Variants in SEMA4G observed in about 807,000 individuals in gnomAD.
SEMA4G encodes semaphorin-4G.
Under a neutral mutation model 81.2 loss-of-function variants are expected in SEMA4G, and 59 were observed. That is an observed-to-expected ratio of 0.73 (90% CI 0.59 to 0.90). The LOEUF (loss-of-function observed/expected upper bound fraction) is 0.90, where lower values mean the gene tolerates loss of function less well. Among genes scored for constraint, SEMA4G ranks in the 40% least tolerant of loss-of-function variants. The pLI is 0.00. For synonymous variants in SEMA4G, 404 were observed against 433.9 expected (o/e 0.93, Z 0.86); for missense variants, 952 against 1,102.3 (o/e 0.86, Z 1.93).
At chr10:100,978,636 C>T in exon 6 of SEMA4G, 1 of 1,613,314 alleles carries the variant, frequency 6.2e-7, no homozygotes, top group Non-Finnish European at 8.5e-7. Context: ...TGCATTGGCT[C>T]AATGGTTAGG....
chr10:100,984,965 A>G, downstream of SEMA4G: 1 of 1,400,242 alleles, frequency 7.1e-7, no homozygotes, highest in South Asian at 1.5e-5. Context: ...ACATGTGCTT[A>G]CATTTCCACT....
At chr10:100,978,687 T>C (rs1850911343) in intron 6 of SEMA4G, 47 bp downstream of exon 7, 2 of 1,588,684 alleles carry the variant, frequency 1.3e-6, no homozygotes, top group Admixed American at 3.3e-5. Context: ...GGACTATTTC[T>C]TCATTTTTAC....
exon 14 of SEMA4G, chr10:100,983,850 G>T: frequency 6.3e-7 from 1 of 1,590,150 alleles, no homozygotes; most frequent in Admixed American, 1.8e-5. Flanking sequence ...TGATGAGGGG[G>T]CTGGGGGCCT....
exon 9 of SEMA4G, chr10:100,979,937 G>T (rs1850980816): frequency 6.2e-7 from 1 of 1,614,150 alleles, no homozygotes. Context: ...TACCAGGATG[G>T]TTCCCGGCGC....
At chr10:100,979,746 C>A in intron 8 of SEMA4G, 102 bp from the exon 10 acceptor site, 1 of 1,360,194 alleles carries the variant, frequency 7.4e-7, no homozygotes, top group Non-Finnish European at 1.0e-6. Flanking sequence ...GGGACTATAG[C>A]TGGGGTTGGC....
chr10:100,978,488 TATGACATGTCTCTC>T (rs1476749328), intron 5 of SEMA4G, 25 bp from the exon 7 acceptor site: 3 of 1,598,634 alleles, frequency 1.9e-6, no homozygotes, highest in Non-Finnish European at 2.6e-6. Flanking sequence ...CCCTGTTGAA[TATGACATGTCTCTC>T]ATGCCTGGAA....
At chr10:100,971,995 G>A (rs1850648016), upstream of SEMA4G, among the ~76,000 whole-genome samples, 1 of 152,188 alleles carries the variant, frequency 6.6e-6, no homozygotes, top group Admixed American at 6.5e-5. Context: ...ACTGGCGTGG[G>A]CAGAGATGTG....
chr10:100,975,053 C>G (rs762921075), intron 3 of SEMA4G: 1 of 534,124 alleles, frequency 1.9e-6, no homozygotes, highest in South Asian at 1.4e-5. Flanking sequence ...GAGCTTCCAT[C>G]AAAGGCTGCC....
Position 100,977,986 on chromosome 10 carries a change from CA to C in SEMA4G, c.435+260del, listed in dbSNP as rs1850875574. The C allele has an allele frequency of 1.2e-5, 7 of 572,042 alleles. No individual in the cohort carries two copies. In the East Asian group the frequency reaches 2.1e-4, roughly 17 times the overall value. 35.4% of individuals were successfully genotyped at this position (572,042 alleles called of 1,614,324 possible). A position where few individuals can be genotyped will look rare whatever the true frequency, so the allele number is the denominator to read the frequency against. On this transcript the variant is annotated intron_variant, in intron 4 of 13. Coordinates refer to ENST00000370250, the Ensembl canonical transcript of SEMA4G. ...TCCACCTGGCAAACTTCATTTAACCCAAAACAAAGGGCCTTGATCCCCTGGA... is the reference window on the plus strand; with the variant it reads ...TCCACCTGGCAAACTTCATTTAACCCAAACAAAGGGCCTTGATCCCCTGGA...
At chr10:100,980,840 G>A (rs1191733049) in exon 12 of SEMA4G, 1 of 1,580,114 alleles carries the variant, frequency 6.3e-7, no homozygotes, top group African/African-American at 1.4e-5. Flanking sequence ...CTATGTGGGG[G>A]CTCCTAGCGG....
At chr10:100,983,760 C>A in exon 14 of SEMA4G, 1 of 1,610,532 alleles carries the variant, frequency 6.2e-7, no homozygotes, top group South Asian at 1.1e-5. Context: ...CTCACTGGGT[C>A]GGGCCAGCCG....
intron 3 of SEMA4G, chr10:100,974,897 A>G: frequency 2.3e-6 from 1 of 434,650 alleles, no homozygotes; most frequent in Non-Finnish European, 4.5e-6. Context: ...GGATCACTTG[A>G]GCCCAGGAGT....
intron 13 of SEMA4G, 90 bp downstream of exon 14, chr10:100,981,319 T>C: frequency 1.3e-6 from 2 of 1,596,994 alleles, no homozygotes; most frequent in South Asian, 1.1e-5. Context: ...TGTATCTGAG[T>C]GGCTGTGGCT....
exon 14 of SEMA4G, chr10:100,983,614 C>T: frequency 1.2e-6 from 2 of 1,614,070 alleles, no homozygotes; most frequent in Non-Finnish European, 1.7e-6. Flanking sequence ...ACACCTGGGG[C>T]ACAGCTGGCA....
upstream of SEMA4G, among the ~76,000 whole-genome samples, chr10:100,970,847 C>A (rs1288648267): frequency 6.6e-6 from 1 of 152,204 alleles, no homozygotes; most frequent in East Asian, 1.9e-4. Flanking sequence ...CATGTCCCTA[C>A]ACATACATGT....
At chr10:100,976,294 C>T (rs183204785) in intron 3 of SEMA4G, among the ~76,000 whole-genome samples, 160 of 152,278 alleles carry the variant, frequency 1.1e-3, no homozygotes, top group African/African-American at 3.7e-3. Context: ...AGAGTCCCAT[C>T]ACACAGGGCT....
intron 6 of SEMA4G, 73 bp downstream of exon 7, chr10:100,978,713 A>G: frequency 6.4e-7 from 1 of 1,554,450 alleles, no homozygotes; most frequent in Non-Finnish European, 8.8e-7. Flanking sequence ...TGGCCAGCTG[A>G]CCACCCCACC....
At chr10:100,977,437 T>G (rs1315913748) in intron 3 of SEMA4G, among the ~76,000 whole-genome samples, 195 bp from the exon 5 acceptor site, 1 of 151,792 alleles carries the variant, frequency 6.6e-6, no homozygotes, top group South Asian at 2.1e-4. Flanking sequence ...AGGAGAGAAA[T>G]AGGGTCATGT....
rs368540784 is a variant in SEMA4G at position 100,978,646 on chromosome 10, G to C, written c.643+6G>C. 251 of 1,611,794 alleles carry C rather than the reference G, an allele frequency of 1.6e-4. 1 individual carries two copies. The African/African-American group carries it at 3.2e-3, about 21-fold the overall frequency. On this transcript the variant is annotated splice_donor_region_variant and intron_variant, in intron 6 of 13. Coordinates refer to ENST00000370250, the Ensembl canonical transcript of SEMA4G. ...ACCAATGCATTGGCTCAATGGTTAGGAGGATGAGGCACAGGATGATGGGGG... is the reference window on the plus strand; with the variant it reads ...ACCAATGCATTGGCTCAATGGTTAGCAGGATGAGGCACAGGATGATGGGGG...
Sources: allele counts gnomAD v4.1 joint callset (sites outside exome capture counted in the v4.1 genomes callset), GRCh38; gene constraint gnomAD v4.1.1; transcripts MANE v1.5; gene names NCBI Gene and HGNC (gene_info 2026-07-23, HGNC 2026-07-21).